AQR: variants seen among roughly 807,000 people sequenced by gnomAD.
The protein encoded by AQR is aquarius intron-binding spliceosomal factor.
Under a neutral mutation model 180.5 loss-of-function variants are expected in AQR, and 61 were observed. The observed-to-expected ratio is 0.34, with a 90% CI of 0.28 to 0.42. AQR has a LOEUF of 0.42. AQR is among the 10% of genes least tolerant of loss of function. The probability of loss-of-function intolerance (pLI) is 1.00; values close to 1 mark genes in which losing one functional copy is unlikely to be tolerated. For missense variants in AQR, 1,281 were observed against 1,798.3 expected (o/e 0.71, Z 5.20); for synonymous variants, 551 against 588.8 (o/e 0.94, Z 0.93).
intron 32 of AQR, among the ~76,000 whole-genome samples, chr15:34,866,306 T>A (rs967333483): frequency 2.0e-5 from 3 of 151,940 alleles, no homozygotes; most frequent in African/African-American, 7.3e-5. Context: ...ACCAACACTA[T>A]CCCCCATGAA....
chr15:34,935,028 C>T (rs1486747987), intron 9 of AQR, among the ~76,000 whole-genome samples: 1 of 152,060 alleles, frequency 6.6e-6, no homozygotes, highest in Non-Finnish European at 1.5e-5. Context: ...ACATTCTAAA[C>T]TTCTGAGAGT....
At chr15:34,894,813 T>C (rs1396866734) in intron 22 of AQR, among the ~76,000 whole-genome samples, 1 of 151,932 alleles carries the variant, frequency 6.6e-6, no homozygotes, top group African/African-American at 2.4e-5. Context: ...AAAAGTTAAA[T>C]ATATTGCAAA....
At chr15:34,961,071 T>A (rs1210099078) in intron 2 of AQR, among the ~76,000 whole-genome samples, 2 of 152,144 alleles carry the variant, frequency 1.3e-5, no homozygotes, top group African/African-American at 4.8e-5. Context: ...TATAAAGATT[T>A]TTAGGGAAAA....
intron 23 of AQR, 48 bp downstream of exon 23, chr15:34,893,615 A>ACG: frequency 3.7e-6 from 4 of 1,073,392 alleles, no homozygotes; most frequent in Non-Finnish European, 3.9e-6. Context: ...GTGCACACAC[A>ACG]CACACACACA....
intron 11 of AQR, among the ~76,000 whole-genome samples, chr15:34,931,618 G>A (rs564062779): frequency 6.6e-6 from 1 of 152,196 alleles, no homozygotes; most frequent in Admixed American, 6.5e-5. Flanking sequence ...GGCCACCTGG[G>A]CAACATGGTG....
In AQR at chr15:34,938,805, T is replaced by C. The variant is rs765464506; in HGVS notation, c.650A>G (p.Gln217Arg). ...GAGTTGTGAAAGAAATCTCCTCTCTTGATATGCCCTAAAATCAGAAAGAAC... is the reference window on the plus strand; with the variant it reads ...GAGTTGTGAAAGAAATCTCCTCTCTCGATATGCCCTAAAATCAGAAAGAAC... ...MDPEAREQAY[Q>R]ERRFLSQLIQ... Residue 217 changes from glutamine to arginine, a missense_variant, in exon 9 of 35, where the codon CAA becomes CGA. Physicochemically the swap from Gln to Arg is conservative, Grantham distance 43. Around this residue, in one of 9 missense-constraint regions of AQR, gnomAD observed 404 missense variants for 490.9 expected, o/e 0.82. Transcript: ENST00000156471. 6.2e-7 allele frequency: 1 copy of C among 1,606,394 alleles called. No homozygotes were observed. Among genetic ancestry groups the C allele is most frequent in the Non-Finnish European group, 8.5e-7 (1 of 1,174,522 alleles).
chr15:34,947,511 A>G (rs1448833125), intron 5 of AQR, among the ~76,000 whole-genome samples: 1 of 145,250 alleles, frequency 6.9e-6, no homozygotes, highest in African/African-American at 2.5e-5. Flanking sequence ...GATCAATAAA[A>G]AAAATAATAA....
In AQR at chr15:34,870,797, G is replaced by A. The variant is rs758061286; in HGVS notation, c.3723C>T (p.Ile1241=). 8.7e-6 allele frequency: 14 copies of A among 1,613,138 alleles called. No individual in the cohort carries two copies. The highest frequency in any genetic ancestry group is 1.2e-5 in the Non-Finnish European group (14 of 1,179,636). ...ATGGATTGTTTCCACATCGTCTATT[G>A]ATGATGTCGCGAATAAGATGCTTTT... The part of the protein sequence containing the change: ...NGQKHLIRDI[I]NRRCGNNPLI... The change falls in exon 31 of 35, where the codon ATC becomes ATT. Residue 1241 remains isoleucine, a synonymous_variant. Coordinates refer to ENST00000156471, the MANE Select transcript of AQR (RefSeq NM_014691.3).
chr15:34,935,995 T>C (rs1893938232), intron 9 of AQR, among the ~76,000 whole-genome samples: 2 of 152,212 alleles, frequency 1.3e-5, no homozygotes, highest in South Asian at 2.1e-4. Context: ...AAATGGCCTA[T>C]TTAAAATTAG....
chr15:34,961,950 TA>T (rs901124072), intron 2 of AQR, among the ~76,000 whole-genome samples: 13 of 149,390 alleles, frequency 8.7e-5, no homozygotes, highest in African/African-American at 1.5e-4. Context: ...TTAATAATAG[TA>T]AAAAAAAATA....
In AQR at chr15:34,884,636, T is replaced by C. The variant is rs1287527681; in HGVS notation, c.2916A>G (p.Glu972=). The C allele has an allele frequency of 1.2e-6, 2 of 1,611,274 alleles. No homozygotes were observed. The highest frequency in any genetic ancestry group is 1.7e-5 in the Admixed American group (1 of 59,332). Residue 972 remains glutamate, a synonymous_variant, in exon 26 of 35, where the codon GAA becomes GAG. Transcript: ENST00000156471. ...TGGGTTGAGGAGCATTTGCAAAGTA[T>C]TCATGGAAAGGGAAGAAAGTGGAGA... ...TEVSTFFPFH[E]YFANAPQPIF...
At position 34,944,343 on chromosome 15, in the gene AQR, G is replaced by A. The variant is rs199698642; in HGVS notation, c.416C>T (p.Ser139Leu). 2 of 1,611,218 alleles carry A rather than the reference G, an allele frequency of 1.2e-6. No homozygotes were observed. Among genetic ancestry groups the A allele is most frequent in the East Asian group, 4.5e-5 (2 of 44,550 alleles). Residue 139 changes from serine (S) to leucine (L), a missense_variant, in exon 6 of 35, where the codon TCA becomes TTA. Coordinates refer to ENST00000156471, the MANE Select transcript of AQR (RefSeq NM_014691.3). ...TAGTAAGACTGTCTGTTCATGAAGTGAAAATTCACCATCAGTTTCAGCTAA... is the reference window on the plus strand; with the variant it reads ...TAGTAAGACTGTCTGTTCATGAAGTAAAAATTCACCATCAGTTTCAGCTAA... ...AALAETDGEF[S>L]LHEQTVLLLF...
chr15:34,935,624 A>G (rs1032597923), intron 9 of AQR, among the ~76,000 whole-genome samples: 4 of 152,236 alleles, frequency 2.6e-5, no homozygotes, highest in African/African-American at 9.6e-5. Flanking sequence ...GCATATGCCC[A>G]TAATCCAAAC....
chr15:34,942,159 C>T, intron 6 of AQR, 79 bp from the exon 7 acceptor site: 1 of 1,008,888 alleles, frequency 9.9e-7, no homozygotes, highest in East Asian at 2.7e-5. Flanking sequence ...AGTATACTGC[C>T]TTTTTAAGTC....
rs899581261 is a variant in AQR at position 34,927,099 on chromosome 15, C to A, written c.1054G>T (p.Ala352Ser). 7.5e-6 allele frequency: 12 copies of A among 1,591,480 alleles called. No homozygotes were observed. The Admixed American group carries it at 1.9e-4, about 25-fold the overall frequency. Reference protein sequence around the residue: ...FAHFPELYDFALSNVAEVDTR... With the variant: ...FAHFPELYDFSLSNVAEVDTR... Reference sequence around the variant, plus strand: ...TCTACTTCTGCCACATTTGAGAGGGCAAAATCATAGAGTTCAGGAAAATGT... The same window carrying A: ...TCTACTTCTGCCACATTTGAGAGGGAAAAATCATAGAGTTCAGGAAAATGT... The change falls in exon 13 of 35, where the codon GCC becomes TCC. Residue 352 changes from alanine to serine, a missense_variant. This residue lies in a region of AQR where 404 missense variants were observed against 490.9 expected (regional missense o/e 0.82). Transcript: ENST00000156471.
At chr15:34,916,006 A>C (rs1177985056) in intron 15 of AQR, among the ~76,000 whole-genome samples, 2 of 152,228 alleles carry the variant, frequency 1.3e-5, no homozygotes, top group East Asian at 1.9e-4. Context: ...TAATACATGT[A>C]ATCTGCATAT....
intron 3 of AQR, among the ~76,000 whole-genome samples, chr15:34,956,480 T>G (rs1354087411): frequency 6.6e-6 from 1 of 151,690 alleles, no homozygotes; most frequent in Non-Finnish European, 1.5e-5. Context: ...GTGAAACACT[T>G]TCTCTACTAA....
chr15:34,880,043 G>T (rs1045834029), intron 27 of AQR, among the ~76,000 whole-genome samples: 2 of 152,064 alleles, frequency 1.3e-5, no homozygotes, highest in African/African-American at 4.8e-5. Flanking sequence ...AGATTATAGG[G>T]CTTCCTGACA....
intron 13 of AQR, among the ~76,000 whole-genome samples, chr15:34,924,469 T>C (rs186046124): frequency 6.6e-6 from 1 of 152,198 alleles, no homozygotes; most frequent in Admixed American, 6.5e-5. Flanking sequence ...TCTCACTCTG[T>C]TGCCCAGGCT....
Sources: gnomAD v4.1 joint callset for allele counts (sites outside exome capture counted in the v4.1 genomes callset) on GRCh38, gnomAD v4.1.1 for gene constraint, gnomAD v4.1.1 regional missense constraint, MANE v1.5 for transcripts, NCBI Gene and HGNC (gene_info 2026-07-23, HGNC 2026-07-21) for gene names.